Variants in FOXP1 observed in about 807,000 individuals in gnomAD.
FOXP1 encodes forkhead box P1.
In FOXP1, 15 loss-of-function variants were observed where a neutral mutation model predicts 98.2. That is an observed-to-expected ratio of 0.15 (90% confidence interval 0.10 to 0.24). The LOEUF (loss-of-function observed/expected upper bound fraction) is 0.24, where lower values mean the gene tolerates loss of function less well. Among genes scored for constraint, FOXP1 ranks in the 10% least tolerant of loss-of-function variants. The pLI, the probability that FOXP1 is intolerant of heterozygous loss-of-function variation, is 1.00. For synonymous variants in FOXP1, 371 were observed against 314.5 expected, an observed-to-expected ratio of 1.18 and a Z score of -1.90; for missense variants, 633 against 848.5, an observed-to-expected ratio of 0.75 and a Z score of 3.15.
At chr3:71,579,726 T>C (rs1035362816) in intron 2 of FOXP1, among the ~76,000 whole-genome samples, 2 of 151,056 alleles carry the variant, frequency 1.3e-5, no homozygotes, top group Non-Finnish European at 2.9e-5. Flanking sequence ...AAACTCAATG[T>C]GAGAAAACGT....
intron 5 of FOXP1, among the ~76,000 whole-genome samples, chr3:71,250,368 A>G (rs1353097631): frequency 1.3e-5 from 2 of 152,214 alleles, no homozygotes; most frequent in African/African-American, 2.4e-5. Context: ...CAATAGCCAC[A>G]TGAGGCTCCT....
At chr3:71,011,838 G>A (rs995155867) in intron 12 of FOXP1, among the ~76,000 whole-genome samples, 1 of 152,072 alleles carries the variant, frequency 6.6e-6, no homozygotes, top group African/African-American at 2.4e-5. Context: ...CTATACAAGT[G>A]CCAGACTTCT....
chr3:71,570,517 G>T (rs2047257420), intron 2 of FOXP1: 1 of 152,216 alleles, frequency 6.6e-6, no homozygotes, highest in African/African-American at 2.4e-5. Context: ...TTCCCATTCG[G>T]AAAGGGAAGC....
intron 3 of FOXP1, among the ~76,000 whole-genome samples, chr3:71,396,962 ATGTG>A (rs200493609): frequency 4.0e-5 from 1 of 24,746 alleles, no homozygotes; most frequent in African/African-American, 1.6e-4. Context: ...ATATATATAT[ATGTG>A]TGTATATATA....
At chr3:71,087,276 CAG>C (rs2055225506) in intron 7 of FOXP1, among the ~76,000 whole-genome samples, 1 of 152,130 alleles carries the variant, frequency 6.6e-6, no homozygotes, top group African/African-American at 2.4e-5. Flanking sequence ...GGTCAGAGAA[CAG>C]AACTCATGTG....
chr3:71,544,100 C>A (rs1468023521), intron 2 of FOXP1, among the ~76,000 whole-genome samples: 2 of 151,508 alleles, frequency 1.3e-5, no homozygotes, highest in Admixed American at 6.6e-5. Flanking sequence ...TATTACTTTC[C>A]TTTACTATGT....
At chr3:71,228,571 C>T (rs1409835246) in intron 5 of FOXP1, among the ~76,000 whole-genome samples, 1 of 152,162 alleles carries the variant, frequency 6.6e-6, no homozygotes, top group African/African-American at 2.4e-5. Flanking sequence ...TACAGTGGCA[C>T]TAACACAAGG....
intron 4 of FOXP1, among the ~76,000 whole-genome samples, chr3:71,322,504 A>G (rs2075448257): frequency 6.6e-6 from 1 of 152,216 alleles, no homozygotes; most frequent in Non-Finnish European, 1.5e-5. Context: ...ACAAACTGGC[A>G]GCAGAAGAGG....
chr3:71,562,780 T>C (rs2107744213), intron 2 of FOXP1, among the ~76,000 whole-genome samples: 1 of 152,262 alleles, frequency 6.6e-6, no homozygotes, highest in East Asian at 1.9e-4. Context: ...ATAATTTGGT[T>C]TTTCTATTAG....
chr3:71,581,395 C>T, intron 2 of FOXP1, 154 bp downstream of exon 2: 2 of 985,408 alleles, frequency 2.0e-6, no homozygotes, highest in Non-Finnish European at 2.4e-6. Context: ...TTCGAAGCAC[C>T]TACCGGCCTG....
At chr3:70,979,096 G>T (rs1166944094) in intron 14 of FOXP1, among the ~76,000 whole-genome samples, 4 of 151,318 alleles carry the variant, frequency 2.6e-5, no homozygotes, top group African/African-American at 7.3e-5. Context: ...GTGAAACTCT[G>T]TCTCCATTAA....
chr3:71,180,303 C>G (rs1387557910), intron 6 of FOXP1, among the ~76,000 whole-genome samples: 8 of 152,020 alleles, frequency 5.3e-5, no homozygotes, highest in Non-Finnish European at 1.0e-4. Flanking sequence ...CAGGTAACAG[C>G]CTAGGAAGCT....
intron 4 of FOXP1, among the ~76,000 whole-genome samples, chr3:71,309,588 T>C (rs916483403): frequency 6.6e-6 from 1 of 152,128 alleles, no homozygotes; most frequent in Non-Finnish European, 1.5e-5. Context: ...GCCTCAACCT[T>C]ATCCCCACCC....
intron 4 of FOXP1, among the ~76,000 whole-genome samples, chr3:71,315,400 AT>A (rs924072137): frequency 6.6e-6 from 1 of 152,122 alleles, no homozygotes; most frequent in Non-Finnish European, 1.5e-5. Flanking sequence ...AGTTTTGCCA[AT>A]AAAAAAAAAG....
intron 3 of FOXP1, among the ~76,000 whole-genome samples, chr3:71,388,842 C>G (rs893683260): frequency 6.6e-6 from 1 of 152,144 alleles, no homozygotes; most frequent in African/African-American, 2.4e-5. Flanking sequence ...CCTAGCTATT[C>G]ATCACAGCTA....
At chr3:71,491,003 A>T (rs2091021844) in intron 3 of FOXP1, among the ~76,000 whole-genome samples, 1 of 151,952 alleles carries the variant, frequency 6.6e-6, no homozygotes, top group Admixed American at 6.6e-5. Context: ...ATTCCTAAAG[A>T]TATGACTTTT....
intron 3 of FOXP1, among the ~76,000 whole-genome samples, chr3:71,470,443 A>T (rs1288391219): frequency 2.0e-5 from 3 of 152,226 alleles, no homozygotes; most frequent in Non-Finnish European, 2.9e-5. Context: ...GGCTTTCCTT[A>T]AAAAACAACG....
chr3:71,320,391 T>G (rs2075319498), intron 4 of FOXP1, among the ~76,000 whole-genome samples: 1 of 151,758 alleles, frequency 6.6e-6, no homozygotes, highest in Non-Finnish European at 1.5e-5. Flanking sequence ...GGACAGACAC[T>G]CACATACACA....
At position 70,958,116 on chromosome 3, in the gene FOXP1, A is replaced by C. The variant is rs867338460; in HGVS notation, c.*1131T>G. The C allele has an allele frequency of 9.2e-5, 33 of 358,008 alleles. No individual in the cohort carries two copies. The Middle Eastern group carries it at 6.7e-3, about 73-fold the overall frequency. The allele number at this position is 358,008 out of a possible 1,614,324, so 22.2% of individuals were successfully genotyped here. A position where few individuals can be genotyped will look rare whatever the true frequency, so the allele number is the denominator to read the frequency against. On this transcript the variant is annotated 3_prime_UTR_variant, in exon 21 of 21. Coordinates refer to ENST00000649528, the MANE Select transcript of FOXP1 (RefSeq NM_001349338.3). ...AGGCCATATTGTCAGTCTAATTAAT[A>C]TGAGCTTTTTTTTTTTTTTCAGTGC... is the stretch of plus-strand genomic sequence containing the variant.
Sources: allele counts gnomAD v4.1 joint callset (sites outside exome capture counted in the v4.1 genomes callset), GRCh38; gene constraint gnomAD v4.1.1; transcripts MANE v1.5; gene names NCBI Gene and HGNC (gene_info 2026-07-23, HGNC 2026-07-21).